The following BRMS1L variants were observed in gnomAD, a reference collection of about 807,000 sequenced individuals.
BRMS1L encodes BRMS1 like transcriptional repressor.
A neutral mutation model predicts 50.3 loss-of-function variants in BRMS1L; 23 were observed. That is an observed-to-expected ratio of 0.46 (90% CI 0.33 to 0.65). The LOEUF is 0.65. Among genes scored for constraint, BRMS1L ranks in the 30% least tolerant of loss-of-function variants. BRMS1L has a pLI of 0.02. For synonymous variants in BRMS1L, 114 were observed against 126.9 expected (o/e 0.90, Z 0.69); for missense variants, 286 against 386.1 (o/e 0.74, Z 2.17).
At chr14:35,869,307 A>G (rs2078459094) in intron 9 of BRMS1L, among the ~76,000 whole-genome samples, 1 of 152,090 alleles carries the variant, frequency 6.6e-6, no homozygotes, top group Non-Finnish European at 1.5e-5. Context: ...TAATTCCAGT[A>G]CTTGGGAAGG....
At chr14:35,852,430 T>C (rs1339778421) in intron 4 of BRMS1L, among the ~76,000 whole-genome samples, 1 of 152,242 alleles carries the variant, frequency 6.6e-6, no homozygotes, top group Non-Finnish European at 1.5e-5. Context: ...TTGAGTAGTA[T>C]TGATATTGTA....
intron 4 of BRMS1L, among the ~76,000 whole-genome samples, chr14:35,849,016 C>G (rs952961248): frequency 1.3e-4 from 20 of 150,472 alleles, no homozygotes; most frequent in Admixed American, 1.3e-4. Context: ...ATTTTTTTTT[C>G]TTTTTCTTTT....
At chr14:35,844,127 T>C (rs1447339929) in intron 4 of BRMS1L, among the ~76,000 whole-genome samples, 1 of 152,202 alleles carries the variant, frequency 6.6e-6, no homozygotes, top group Non-Finnish European at 1.5e-5. Flanking sequence ...CTGGGCTTCA[T>C]GGGGTTGGCA....
At chr14:35,842,360 A>G (rs955860076) in intron 4 of BRMS1L, among the ~76,000 whole-genome samples, 3 of 152,144 alleles carry the variant, frequency 2.0e-5, no homozygotes, top group African/African-American at 4.8e-5. Flanking sequence ...GAGCTCTTGT[A>G]AGGCAGGCCT....
chr14:35,867,911 G>T lies in BRMS1L; in HGVS notation c.733G>T (p.Val245Leu). 6.3e-7 allele frequency: 1 copy of T among 1,595,070 alleles called. No homozygotes were observed. Among genetic ancestry groups the T allele is most frequent in the South Asian group, 1.1e-5 (1 of 87,192 alleles). Residue 245 changes from valine to leucine, a missense_variant, in exon 9 of 10, where the codon GTG becomes TTG. This residue lies in a region of BRMS1L where 160 missense variants were observed against 240.6 expected (regional missense o/e 0.66). Coordinates refer to ENST00000216807, the MANE Select transcript of BRMS1L (RefSeq NM_032352.4). ...TTTTGAACTGATCCCTTTAGCACCT[G>T]TGAAACTGGAAAAACATCTGCACAG... Reference protein sequence around the residue: ...GPHRVKTEPPVKLEKHLHSAR... With the variant: ...GPHRVKTEPPLKLEKHLHSAR...
intron 4 of BRMS1L, among the ~76,000 whole-genome samples, chr14:35,842,864 G>A (rs1221394867): frequency 1.3e-5 from 2 of 152,036 alleles, no homozygotes; most frequent in Admixed American, 6.6e-5. Flanking sequence ...TCCTTGGAGG[G>A]TTTGTTTGTT....
At chr14:35,861,709 A>C (rs2142061130) in intron 4 of BRMS1L, among the ~76,000 whole-genome samples, 1 of 152,312 alleles carries the variant, frequency 6.6e-6, no homozygotes, top group Admixed American at 6.5e-5. Flanking sequence ...CTCAAGAGAG[A>C]GGGCTTCATG....
rs192407083 is a variant in BRMS1L at position 35,841,299 on chromosome 14, A to T, written c.441+6376A>T. ...AATTTTATTTTTTATTTATTTTTTTAAATTTTATGTTATTTTATTTTATTT... is the reference window on the plus strand; with the variant it reads ...AATTTTATTTTTTATTTATTTTTTTTAATTTTATGTTATTTTATTTTATTT... On this transcript the variant is annotated intron_variant, in intron 4 of 9. Coordinates refer to ENST00000216807, the MANE Select transcript of BRMS1L (RefSeq NM_032352.4). Among the ~76,000 whole-genome samples, 525 of 151,522 alleles carry T rather than the reference A, an allele frequency of 3.5e-3. 4 individuals are homozygous for T. Among genetic ancestry groups the T allele is most frequent in the African/African-American group, 0.012 (499 of 41,380 alleles).
chr14:35,828,862 A>T (rs1014863919), intron 1 of BRMS1L, among the ~76,000 whole-genome samples: 2 of 152,208 alleles, frequency 1.3e-5, no homozygotes, highest in South Asian at 2.1e-4. Context: ...AATAATTTGT[A>T]AGTCATCTGC....
intron 4 of BRMS1L, among the ~76,000 whole-genome samples, chr14:35,838,853 C>A (rs7156318): frequency 6.6e-6 from 1 of 151,830 alleles, no homozygotes; most frequent in African/African-American, 2.4e-5. Context: ...TTCTTTTGCT[C>A]TGCAGAAGCT....
At chr14:35,838,103 T>C (rs139085236) in intron 4 of BRMS1L, among the ~76,000 whole-genome samples, 4,625 of 152,188 alleles carry the variant, frequency 0.03, 193 homozygotes, top group African/African-American at 0.088. Flanking sequence ...AACTCCCACT[T>C]ATGAGTGAGA....
chr14:35,833,599 C>T (rs1438262886), intron 3 of BRMS1L, among the ~76,000 whole-genome samples: 1 of 151,984 alleles, frequency 6.6e-6, no homozygotes, highest in East Asian at 1.9e-4. Flanking sequence ...AGTTTGGTTA[C>T]TCATTTGTGG....
chr14:35,831,716 T>C (rs1359987494), intron 2 of BRMS1L, among the ~76,000 whole-genome samples: 1 of 152,190 alleles, frequency 6.6e-6, no homozygotes, highest in Non-Finnish European at 1.5e-5. Flanking sequence ...ACCCAGGAGT[T>C]GGAGACCAGC....
chr14:35,831,310 C>T (rs902481914), intron 1 of BRMS1L, 100 bp from the exon 2 acceptor site: 1 of 764,816 alleles, frequency 1.3e-6, no homozygotes. Context: ...CTTCATATTA[C>T]AGTTTTTCTT....
At chr14:35,835,554 A>C (rs1157978989) in intron 4 of BRMS1L, among the ~76,000 whole-genome samples, 1 of 152,206 alleles carries the variant, frequency 6.6e-6, no homozygotes, top group Non-Finnish European at 1.5e-5. Flanking sequence ...CATTTAAAAA[A>C]CATAGTGCCC....
intron 4 of BRMS1L, among the ~76,000 whole-genome samples, chr14:35,850,015 GTT>G (rs2078189452): frequency 6.8e-6 from 1 of 147,570 alleles, no homozygotes; most frequent in Non-Finnish European, 1.5e-5. Flanking sequence ...TAGAGACGGG[GTT>G]TCACCGTGTT....
chr14:35,855,660 T>G (rs2078270596), intron 4 of BRMS1L, among the ~76,000 whole-genome samples: 1 of 152,212 alleles, frequency 6.6e-6, no homozygotes, highest in Non-Finnish European at 1.5e-5. Flanking sequence ...AACATGTTAA[T>G]CTGACATTTT....
chr14:35,864,957 A>G lies in BRMS1L; in HGVS notation c.645A>G (p.Leu215=), dbSNP rs1464870669. The G allele has an allele frequency of 1.3e-6, 2 of 1,582,914 alleles. No individual in the cohort carries two copies. The highest frequency in any genetic ancestry group is 2.7e-5 in the African/African-American group (2 of 73,020). ...VVSGPYIVYM[L]QDLDILEDWT... is the part of the protein sequence containing the mutation. ...AACGTCCATATATAGTTTATATGCTACAAGATCTTGATATTCTTGAAGACT... is the reference window on the plus strand; with the variant it reads ...AACGTCCATATATAGTTTATATGCTGCAAGATCTTGATATTCTTGAAGACT... Residue 215 remains leucine, a synonymous_variant, in exon 7 of 10, where the codon CTA becomes CTG. Transcript: ENST00000216807.
At chr14:35,856,618 G>C (rs950040270) in intron 4 of BRMS1L, among the ~76,000 whole-genome samples, 2 of 151,410 alleles carry the variant, frequency 1.3e-5, no homozygotes, top group African/African-American at 4.9e-5. Context: ...TTTTGGGGGG[G>C]GGTTTGTTTT....
Sources: allele counts gnomAD v4.1 joint callset (sites outside exome capture counted in the v4.1 genomes callset), GRCh38; gene constraint gnomAD v4.1.1; regional missense constraint gnomAD v4.1.1; transcripts MANE v1.5; gene names NCBI Gene and HGNC (gene_info 2026-07-23, HGNC 2026-07-21).